PHF20: variants seen among roughly 807,000 people sequenced by gnomAD.
PHF20 encodes the protein PHD finger protein 20.
PHF20 carries 23 observed loss-of-function variants against 113.5 expected under a neutral mutation model. That is an observed-to-expected ratio of 0.20 (90% CI 0.15 to 0.29). The LOEUF (loss-of-function observed/expected upper bound fraction) is 0.29, where lower values mean the gene tolerates loss of function less well. PHF20 is among the 10% of genes least tolerant of loss of function. The pLI, the probability that PHF20 is intolerant of heterozygous loss-of-function variation, is 1.00. For synonymous variants in PHF20, 434 were observed against 457.3 expected (o/e 0.95, Z 0.65); for missense variants, 943 against 1,219.6 (o/e 0.77, Z 3.38).
At chr20:35,843,521 C>CAA (rs766671833) in intron 3 of PHF20, among the ~76,000 whole-genome samples, 44 of 52,940 alleles carry the variant, frequency 8.3e-4, no homozygotes, top group Non-Finnish European at 1.0e-3. Context: ...TATTCCATCT[C>CAA]AAAAAAAAAA....
rs774518065 is a variant in PHF20, at chr20:35,871,018, C to T, written c.986C>T (p.Ser329Phe). The change falls in exon 8 of 18, where the codon TCC becomes TTC. Residue 329 changes from serine (S) to phenylalanine (F), a missense_variant. Physicochemically the swap from Ser to Phe is radical, Grantham distance 155 (BLOSUM62 -2). Coordinates refer to ENST00000374012, the MANE Select transcript of PHF20 (RefSeq NM_016436.5). ...TDKDLSRRRS[S>F]RLSTNGTHEI... is the part of the protein sequence containing the mutation. Reference sequence around the variant, plus strand: ...AAAGACTTATCGAGGAGACGTTCCTCCAGGCTGTCCACTAATGGGACCCAT... The same window carrying T: ...AAAGACTTATCGAGGAGACGTTCCTTCAGGCTGTCCACTAATGGGACCCAT... The T allele has an allele frequency of 6.2e-7, 1 of 1,611,890 alleles. No homozygotes were observed. Among genetic ancestry groups the T allele is most frequent in the South Asian group, 1.1e-5 (1 of 90,470 alleles).
chr20:35,803,884 T>C (rs1365189100), intron 2 of PHF20, among the ~76,000 whole-genome samples: 1 of 151,970 alleles, frequency 6.6e-6, no homozygotes. Flanking sequence ...ATATAGGGTC[T>C]TACTCTATTG....
intron 2 of PHF20, among the ~76,000 whole-genome samples, chr20:35,813,231 A>G (rs529798084): frequency 6.6e-6 from 1 of 151,562 alleles, no homozygotes; most frequent in South Asian, 2.1e-4. Flanking sequence ...CGGCCTCCCA[A>G]AGTGCTGGGA....
At chr20:35,917,684 C>G (rs922540386) in intron 13 of PHF20, 22 bp downstream of exon 13, 1 of 1,604,738 alleles carries the variant, frequency 6.2e-7, no homozygotes, top group African/African-American at 1.3e-5. Flanking sequence ...TTCCAGGAAA[C>G]AGGTCTAGAG....
intron 1 of PHF20, among the ~76,000 whole-genome samples, chr20:35,797,833 G>A (rs1472278063): frequency 6.6e-6 from 1 of 151,602 alleles, no homozygotes; most frequent in Middle Eastern, 3.2e-3. Context: ...TGTATTTTTA[G>A]TAGAGACGGG....
intron 1 of PHF20, among the ~76,000 whole-genome samples, chr20:35,793,940 G>T (rs1450583557): frequency 6.9e-6 from 1 of 145,638 alleles, no homozygotes; most frequent in African/African-American, 2.6e-5. Flanking sequence ...AGGTTGCAGA[G>T]AGCCGAGATT....
intron 9 of PHF20, among the ~76,000 whole-genome samples, chr20:35,889,072 A>G (rs1482942161): frequency 7.4e-6 from 1 of 134,950 alleles, no homozygotes; most frequent in Non-Finnish European, 1.5e-5. Context: ...GCTGGAGTGC[A>G]CTGGCACAAT....
Position 35,938,866 on chromosome 20 carries a change from C to G in PHF20, c.2470C>G (p.Leu824Val). The change falls in exon 16 of 18, where the codon CTG (leucine) becomes GTG (valine). Residue 824 changes from leucine (L) to valine (V), a missense_variant. Leu to Val is a conservative substitution (Grantham distance 32). Coordinates refer to ENST00000374012, the MANE Select transcript of PHF20 (RefSeq NM_016436.5). ...AGTGGAGAAGCCCAGGCCCCTGGCC[C>G]TGCCCCTGCCGCGTTCTGTGGAGGA... ...GAVEKPRPLALPLPRSVEESY... is the reference protein window; with the variant it reads ...GAVEKPRPLAVPLPRSVEESY... 6.2e-7 allele frequency: 1 copy of G among 1,614,204 alleles called. No individual in the cohort carries two copies. The highest frequency in any genetic ancestry group is 1.3e-5 in the African/African-American group (1 of 75,062).
intron 1 of PHF20, among the ~76,000 whole-genome samples, chr20:35,790,210 T>G (rs6060605): frequency 0.11 from 15,824 of 143,956 alleles, 860 homozygotes; most frequent in South Asian, 0.16. Context: ...CTAAATAACT[T>G]TTTTTTTTTT....
At chr20:35,871,467 CCT>C (rs10565957) in intron 8 of PHF20, among the ~76,000 whole-genome samples, 181 bp from the exon 9 acceptor site, 14,774 of 152,174 alleles carry the variant, frequency 0.097, 771 homozygotes, top group South Asian at 0.15. Context: ...TTCACTTTAA[CCT>C]CTTTCTTTGA....
intron 9 of PHF20, among the ~76,000 whole-genome samples, chr20:35,878,895 C>G (rs1382036303): frequency 6.6e-6 from 1 of 152,162 alleles, no homozygotes; most frequent in African/African-American, 2.4e-5. Context: ...CTTGATTTGC[C>G]TGTTGACTGA....
At chr20:35,946,928 T>A (rs1391683941) in intron 17 of PHF20, among the ~76,000 whole-genome samples, 2 of 152,136 alleles carry the variant, frequency 1.3e-5, no homozygotes, top group South Asian at 4.1e-4. Flanking sequence ...CAGGATGGTC[T>A]TGATCTCTTG....
rs534431132 is a variant in PHF20, at chr20:35,842,975, C to T, written c.255+231C>T. Among the ~76,000 whole-genome samples, 5 of 152,232 alleles carry T rather than the reference C, an allele frequency of 3.3e-5. No individual in the cohort carries two copies. The East Asian group carries it at 9.7e-4, about 30-fold the overall frequency. ...CCAGGCTGGAGTGCAGTGGTGCAGT[C>T]TCTGCTCACTGCAGTCTCCACCTCT... On this transcript the variant is annotated intron_variant, in intron 3 of 17. Coordinates refer to ENST00000374012, the MANE Select transcript of PHF20 (RefSeq NM_016436.5).
chr20:35,860,373 C>T (rs1383562122), intron 5 of PHF20, among the ~76,000 whole-genome samples: 11 of 150,214 alleles, frequency 7.3e-5, no homozygotes, highest in Non-Finnish European at 1.2e-4. Context: ...CCTGAGTAGC[C>T]GGGACTACAG....
intron 1 of PHF20, among the ~76,000 whole-genome samples, chr20:35,788,805 C>T (rs995396556): frequency 2.0e-5 from 3 of 151,014 alleles, no homozygotes; most frequent in Non-Finnish European, 3.0e-5. Flanking sequence ...CTTGAACTGA[C>T]GTCAGGCGAT....
intron 1 of PHF20, among the ~76,000 whole-genome samples, chr20:35,780,530 CTTTTTTCTT>C: frequency 7.5e-6 from 1 of 133,304 alleles, no homozygotes; most frequent in Non-Finnish European, 1.6e-5. Flanking sequence ...CTGGCTCATT[CTTTTTTCTT>C]TTTTTTCTTT....
At chr20:35,863,570 A>G (rs1384551010) in intron 6 of PHF20, among the ~76,000 whole-genome samples, 170 bp downstream of exon 6, 1 of 152,248 alleles carries the variant, frequency 6.6e-6, no homozygotes, top group African/African-American at 2.4e-5. Context: ...TAAGTGAGGT[A>G]CATATCCAAG....
intron 10 of PHF20, among the ~76,000 whole-genome samples, chr20:35,903,073 C>CTT (rs1600906730): frequency 3.6e-5 from 3 of 82,384 alleles, no homozygotes; most frequent in South Asian, 3.7e-4. Context: ...CTTTCCTATC[C>CTT]TTTCTTTTTT....
intron 2 of PHF20, among the ~76,000 whole-genome samples, chr20:35,809,731 A>G (rs1425219288): frequency 1.3e-5 from 2 of 151,314 alleles, no homozygotes; most frequent in Admixed American, 1.3e-4. Flanking sequence ...AAAAAAAAAA[A>G]AATTCTGGGC....
Sources: allele counts gnomAD v4.1 joint callset (sites outside exome capture counted in the v4.1 genomes callset), GRCh38; gene constraint gnomAD v4.1.1; transcripts MANE v1.5; gene names NCBI Gene and HGNC (gene_info 2026-07-23, HGNC 2026-07-21).